Variants in CDH13 observed in about 807,000 individuals in gnomAD.
CDH13 encodes the protein cadherin 13.
In CDH13, 24 loss-of-function variants were observed where a neutral mutation model predicts 63.8. The observed-to-expected ratio is 0.38, with a 90% CI of 0.27 to 0.53. The LOEUF (loss-of-function observed/expected upper bound fraction) is 0.53. Ranked by LOEUF, CDH13 falls within the 20% of genes least tolerant of loss-of-function variation. CDH13 has a pLI of 0.85. For synonymous variants in CDH13, 503 were observed against 355.3 expected, an observed-to-expected ratio of 1.42 and a Z score of -4.67; for missense variants, 1,049 against 903.1, an observed-to-expected ratio of 1.16 and a Z score of -2.07.
chr16:83,121,701 A>T (rs954880593), intron 3 of CDH13, among the ~76,000 whole-genome samples: 4 of 152,146 alleles, frequency 2.6e-5, no homozygotes, highest in African/African-American at 7.2e-5. Context: ...GTCTCACTAA[A>T]CGTCTTCCTT....
At chr16:82,951,965 C>T (rs1905356809) in intron 2 of CDH13, among the ~76,000 whole-genome samples, 1 of 152,222 alleles carries the variant, frequency 6.6e-6, no homozygotes, top group African/African-American at 2.4e-5. Flanking sequence ...ACAAGACTCC[C>T]TCCCAACAGG....
At chr16:83,229,312 G>C (rs954744046) in intron 5 of CDH13, among the ~76,000 whole-genome samples, 1 of 152,204 alleles carries the variant, frequency 6.6e-6, no homozygotes, top group Non-Finnish European at 1.5e-5. Flanking sequence ...AGAAAACTTT[G>C]CTTTCCCTGG....
At chr16:83,594,606 C>A (rs140464916) in intron 7 of CDH13, among the ~76,000 whole-genome samples, 11 of 152,244 alleles carry the variant, frequency 7.2e-5, no homozygotes, top group African/African-American at 1.9e-4. Flanking sequence ...GAAAGAAATT[C>A]GGTCTAGACA....
At chr16:83,364,251 C>T (rs985500425) in intron 6 of CDH13, among the ~76,000 whole-genome samples, 1 of 152,050 alleles carries the variant, frequency 6.6e-6, no homozygotes, top group Non-Finnish European at 1.5e-5. Flanking sequence ...GATTTTCTGC[C>T]TGTGGATCTA....
chr16:82,671,218 T>C (rs1913204490), intron 1 of CDH13, among the ~76,000 whole-genome samples: 1 of 152,186 alleles, frequency 6.6e-6, no homozygotes, highest in Non-Finnish European at 1.5e-5. Context: ...AGAACACAAC[T>C]GTGTAAGTCA....
chr16:83,020,241 A>G (rs1297155593), intron 2 of CDH13, among the ~76,000 whole-genome samples: 1 of 151,458 alleles, frequency 6.6e-6, no homozygotes, highest in Non-Finnish European at 1.5e-5. Flanking sequence ...ACCTCAATGT[A>G]TTCTCCTTCC....
chr16:83,573,313 G>T (rs924546684), intron 7 of CDH13, among the ~76,000 whole-genome samples: 2 of 152,112 alleles, frequency 1.3e-5, no homozygotes, highest in African/African-American at 4.8e-5. Flanking sequence ...TAGTACTGGT[G>T]GGTGTGGCTC....
At chr16:83,367,054 C>A (rs189845149) in intron 6 of CDH13, among the ~76,000 whole-genome samples, 1 of 152,214 alleles carries the variant, frequency 6.6e-6, no homozygotes, top group Admixed American at 6.5e-5. Context: ...ACACAATCAT[C>A]GCCACAATCA....
chr16:83,751,409 A>G (rs953069255), intron 11 of CDH13, among the ~76,000 whole-genome samples: 2 of 151,426 alleles, frequency 1.3e-5, no homozygotes, highest in Non-Finnish European at 2.9e-5. Flanking sequence ...AGCCTGGCCA[A>G]CATGGCAAAA....
chr16:82,856,385 A>AAAAG (rs1555530561), intron 1 of CDH13, among the ~76,000 whole-genome samples: 11 of 95,292 alleles, frequency 1.2e-4, no homozygotes, highest in East Asian at 1.0e-3. Flanking sequence ...AAAAAAAAAA[A>AAAAG]AAAAGAAAAG....
At chr16:83,322,451 A>G (rs1288410074) in intron 5 of CDH13, among the ~76,000 whole-genome samples, 2 of 152,232 alleles carry the variant, frequency 1.3e-5, no homozygotes, top group East Asian at 1.9e-4. Flanking sequence ...TCATTTGTTC[A>G]TTGATTCATT....
At chr16:83,345,100 A>T (rs910579273) in intron 6 of CDH13, 94 bp downstream of exon 6, 32 of 1,399,308 alleles carry the variant, frequency 2.3e-5, no homozygotes, top group Non-Finnish European at 2.5e-5. Flanking sequence ...GGCTGTTCCA[A>T]CTTGTCAGCT....
intron 2 of CDH13, among the ~76,000 whole-genome samples, chr16:83,000,816 T>G (rs142061333): frequency 0.016 from 2,482 of 152,230 alleles, 56 homozygotes; most frequent in African/African-American, 0.054. Flanking sequence ...CCTGCCCGCA[T>G]GATCCGCCCG....
chr16:82,809,651 A>G (rs1254384517), intron 1 of CDH13, among the ~76,000 whole-genome samples: 1 of 152,122 alleles, frequency 6.6e-6, no homozygotes, highest in African/African-American at 2.4e-5. Flanking sequence ...CCATATCTCA[A>G]GCAACATAAA....
At chr16:83,416,834 C>G (rs2071563295) in intron 6 of CDH13, among the ~76,000 whole-genome samples, 1 of 152,142 alleles carries the variant, frequency 6.6e-6, no homozygotes, top group Non-Finnish European at 1.5e-5. Context: ...CTCTCTGTGC[C>G]TAAGGATTCT....
chr16:83,563,495 A>C (rs4371139), intron 7 of CDH13, among the ~76,000 whole-genome samples: 1 of 152,230 alleles, frequency 6.6e-6, no homozygotes, highest in Non-Finnish European at 1.5e-5. Flanking sequence ...GATGTTCAGA[A>C]TTTAATGTTG....
chr16:83,183,475 A>T (rs149462124), intron 4 of CDH13, among the ~76,000 whole-genome samples: 8 of 152,334 alleles, frequency 5.3e-5, no homozygotes, highest in African/African-American at 1.9e-4. Flanking sequence ...TACACATGGG[A>T]ATTGGGTACG....
At chr16:82,770,110 AG>A (rs1183795327) in intron 1 of CDH13, among the ~76,000 whole-genome samples, 2 of 152,224 alleles carry the variant, frequency 1.3e-5, no homozygotes, top group Admixed American at 1.3e-4. Context: ...CCTTTGAGTC[AG>A]ATTATTTAGT....
At chr16:82,939,636 G>C (rs2042773257) in intron 2 of CDH13, among the ~76,000 whole-genome samples, 1 of 149,020 alleles carries the variant, frequency 6.7e-6, no homozygotes, top group South Asian at 2.2e-4. Context: ...GTTAACAGTG[G>C]GTCTCTTCTA....
Sources: allele counts gnomAD v4.1 joint callset (sites outside exome capture counted in the v4.1 genomes callset), GRCh38; gene constraint gnomAD v4.1.1; transcripts MANE v1.5; gene names NCBI Gene and HGNC (gene_info 2026-07-23, HGNC 2026-07-21).